The following CAMTA1 variants were observed in gnomAD, a reference collection of about 807,000 sequenced individuals.
The protein encoded by CAMTA1 is calmodulin binding transcription activator 1, also known as calmodulin-binding transcription activator 1.
A neutral mutation model predicts 170.9 loss-of-function variants in CAMTA1; 27 were observed. The ratio of observed to expected loss-of-function variants is 0.16; its 90% CI spans 0.12 to 0.22. The LOEUF (loss-of-function observed/expected upper bound fraction) is 0.22, where lower values mean the gene tolerates loss of function less well. Among genes scored for constraint, CAMTA1 ranks in the 10% least tolerant of loss-of-function variants. The pLI, the probability that CAMTA1 is intolerant of heterozygous loss-of-function variation, is 1.00. For synonymous variants in CAMTA1, 833 were observed against 891.5 expected (o/e 0.93, Z 1.17); for missense variants, 1,619 against 2,217.2 (o/e 0.73, Z 5.42).
At chr1:6,976,182 C>T (rs1012081579) in intron 3 of CAMTA1, among the ~76,000 whole-genome samples, 14 of 152,314 alleles carry the variant, frequency 9.2e-5, no homozygotes, top group Middle Eastern at 3.4e-3. Context: ...GCAGAGGCCC[C>T]GCTGAGTCTT....
intron 6 of CAMTA1, among the ~76,000 whole-genome samples, chr1:7,469,952 G>A (rs1244142803): frequency 2.6e-5 from 4 of 152,200 alleles, no homozygotes; most frequent in South Asian, 2.1e-4. Flanking sequence ...TCCAGCCTCC[G>A]TATGCTGGAG....
chr1:7,734,026 C>T (rs1159496586), intron 12 of CAMTA1, among the ~76,000 whole-genome samples: 2 of 152,202 alleles, frequency 1.3e-5, no homozygotes, highest in Non-Finnish European at 2.9e-5. Context: ...TGGCTCACTG[C>T]AGCCTCCGCC....
intron 5 of CAMTA1, among the ~76,000 whole-genome samples, chr1:7,352,921 T>C (rs845235): frequency 0.93 from 140,975 of 152,288 alleles, 65,311 homozygotes; most frequent in East Asian, 1. Flanking sequence ...GGGACAGGCC[T>C]ACGGTGCCTC....
intron 1 of CAMTA1, among the ~76,000 whole-genome samples, chr1:6,818,110 G>A (rs1215387926): frequency 6.6e-6 from 1 of 152,170 alleles, no homozygotes; most frequent in Admixed American, 6.5e-5. Flanking sequence ...GCCGAGGCTG[G>A]CAGATCATTT....
chr1:6,786,196 G>C (rs1422721150), intron 1 of CAMTA1, among the ~76,000 whole-genome samples: 3 of 151,942 alleles, frequency 2.0e-5, no homozygotes, highest in Non-Finnish European at 1.5e-5. Context: ...CCCGCCAGGG[G>C]GACCCCGTCC....
At chr1:7,225,041 G>A (rs929886712) in intron 4 of CAMTA1, among the ~76,000 whole-genome samples, 1 of 152,178 alleles carries the variant, frequency 6.6e-6, no homozygotes, top group Non-Finnish European at 1.5e-5. Flanking sequence ...GGGGCCAGCT[G>A]GGCAGGGCAC....
At chr1:7,227,112 C>G (rs1472667623) in intron 4 of CAMTA1, among the ~76,000 whole-genome samples, 1 of 152,118 alleles carries the variant, frequency 6.6e-6, no homozygotes, top group Non-Finnish European at 1.5e-5. Context: ...GGATTACAGG[C>G]GTGAGCCACC....
At chr1:7,705,521 G>A (rs989758733) in intron 11 of CAMTA1, among the ~76,000 whole-genome samples, 2 of 150,376 alleles carry the variant, frequency 1.3e-5, no homozygotes, top group African/African-American at 4.8e-5. Context: ...GGCGCGCGCG[G>A]GCGGGGCTGG....
intron 4 of CAMTA1, among the ~76,000 whole-genome samples, chr1:7,212,208 A>G (rs1235113198): frequency 6.6e-6 from 1 of 152,182 alleles, no homozygotes; most frequent in Non-Finnish European, 1.5e-5. Context: ...TTATTCTTGG[A>G]AATAAAATAT....
At position 6,887,973 on chromosome 1, in the gene CAMTA1, G is replaced by T. The variant is rs1481358273; in HGVS notation, c.234+62763G>T. The T allele has an allele frequency of 8.2e-7, 1 of 1,217,576 alleles. No homozygotes were observed. Among genetic ancestry groups the T allele is most frequent in the East Asian group, 4.1e-5 (1 of 24,536 alleles). 75.4% of individuals were successfully genotyped at this position (1,217,576 alleles called of 1,614,324 possible). On this transcript the variant is annotated intron_variant, in intron 3 of 22. Coordinates refer to ENST00000303635, the MANE Select transcript of CAMTA1 (RefSeq NM_015215.4). The surrounding 1 kb of genome is among the most constrained non-coding windows in gnomAD (Gnocchi z 4.1). ...GCAGGGCTCTGTGCACACGCCTCCT[G>T]GTCCAGAGGCCTCCGTGACCATCCA...
intron 3 of CAMTA1, among the ~76,000 whole-genome samples, chr1:7,029,269 A>G (rs1474028270): frequency 2.6e-5 from 4 of 152,070 alleles, no homozygotes; most frequent in Non-Finnish European, 5.9e-5. Flanking sequence ...TGGGAGGCTG[A>G]GGCGGGTGGA....
chr1:7,095,745 C>T (rs927410908), intron 4 of CAMTA1, among the ~76,000 whole-genome samples: 1 of 152,252 alleles, frequency 6.6e-6, no homozygotes, highest in African/African-American at 2.4e-5. Flanking sequence ...TCTACACTGC[C>T]CTCTGAATTG....
intron 5 of CAMTA1, among the ~76,000 whole-genome samples, chr1:7,256,386 C>T (rs1221997740): frequency 3.9e-5 from 6 of 152,106 alleles, no homozygotes; most frequent in Non-Finnish European, 7.4e-5. Context: ...GGTGAAACCC[C>T]GTCTCTACTA....
At chr1:6,990,039 T>C (rs567252647) in intron 3 of CAMTA1, among the ~76,000 whole-genome samples, 1 of 152,254 alleles carries the variant, frequency 6.6e-6, no homozygotes, top group East Asian at 1.9e-4. Context: ...CCCAAGCCCT[T>C]CTGCTAACAT....
chr1:7,541,571 G>A (rs186771460), intron 6 of CAMTA1, among the ~76,000 whole-genome samples: 3 of 152,346 alleles, frequency 2.0e-5, no homozygotes, highest in South Asian at 2.1e-4. Flanking sequence ...TTACAATGTC[G>A]TATTGATTAC....
intron 6 of CAMTA1, among the ~76,000 whole-genome samples, chr1:7,544,044 T>C (rs886482854): frequency 6.6e-6 from 1 of 152,146 alleles, no homozygotes; most frequent in Non-Finnish European, 1.5e-5. Flanking sequence ...CCACAAATCA[T>C]GTAGCCCATC....
chr1:7,162,732 C>T (rs796337116), intron 4 of CAMTA1, among the ~76,000 whole-genome samples: 6 of 152,088 alleles, frequency 3.9e-5, no homozygotes, highest in Non-Finnish European at 7.4e-5. Flanking sequence ...ATTTAGGTTG[C>T]CTCCTCCTTT....
chr1:7,485,988 T>G (rs2093612616), intron 6 of CAMTA1, among the ~76,000 whole-genome samples: 1 of 152,236 alleles, frequency 6.6e-6, no homozygotes, highest in African/African-American at 2.4e-5. Context: ...TAGCCCAAGT[T>G]GAGCTTAATT....
intron 6 of CAMTA1, among the ~76,000 whole-genome samples, chr1:7,524,121 G>C (rs2094402356): frequency 6.6e-6 from 1 of 151,790 alleles, no homozygotes; most frequent in African/African-American, 2.4e-5. Context: ...AGAACTGCTT[G>C]AACCTGGGAG....
Sources: gnomAD v4.1 joint callset for allele counts (sites outside exome capture counted in the v4.1 genomes callset) on GRCh38, gnomAD v4.1.1 for gene constraint, Gnocchi (gnomAD v3.1) non-coding constraint, MANE v1.5 for transcripts, NCBI Gene and HGNC (gene_info 2026-07-23, HGNC 2026-07-21) for gene names.